The following CEP83 variants were observed in gnomAD, a reference collection of about 807,000 sequenced individuals.
CEP83 encodes the protein centrosomal protein of 83 kDa.
CEP83 carries 70 observed loss-of-function variants against 101.9 expected under a neutral mutation model. The ratio of observed to expected loss-of-function variants is 0.69; its 90% CI spans 0.57 to 0.84. The LOEUF is 0.84. Among genes scored for constraint, CEP83 ranks in the 40% least tolerant of loss-of-function variants. The pLI is 0.00. For missense variants in CEP83, 715 were observed against 787.2 expected (o/e 0.91, Z 1.10); for synonymous variants, 264 against 267.9 (o/e 0.99, Z 0.14).
At chr12:94,386,366 T>C (rs1419558494) in intron 6 of CEP83, among the ~76,000 whole-genome samples, 2 of 152,184 alleles carry the variant, frequency 1.3e-5, no homozygotes, top group African/African-American at 4.8e-5. Flanking sequence ...TCTCTGGCCT[T>C]GTATAGTTTC....
chr12:94,353,168 A>C (rs1241226174), intron 11 of CEP83, among the ~76,000 whole-genome samples: 1 of 152,224 alleles, frequency 6.6e-6, no homozygotes, highest in Non-Finnish European at 1.5e-5. Flanking sequence ...GAAACCTTAC[A>C]GGCAAGAAGA....
chr12:94,421,332 T>A (rs1390964509), intron 2 of CEP83, among the ~76,000 whole-genome samples: 1 of 152,124 alleles, frequency 6.6e-6, no homozygotes, highest in African/African-American at 2.4e-5. Flanking sequence ...ATGTTAGGAT[T>A]ACAGGAATGA....
At chr12:94,281,556 A>G in the CEP83 span, among the ~76,000 whole-genome samples, 1 of 151,784 alleles carries the variant, frequency 6.6e-6, no homozygotes, top group Non-Finnish European at 1.5e-5. Context: ...AAGAAATCAG[A>G]TATCCAGTTT....
chr12:94,328,234 T>G, intron 14 of CEP83: 1 of 302,482 alleles, frequency 3.3e-6, no homozygotes, highest in Non-Finnish European at 6.7e-6. Flanking sequence ...CTCTCTTCAA[T>G]GGGGGTGGGG....
At chr12:94,455,929 C>A (rs1259400844) in intron 1 of CEP83, among the ~76,000 whole-genome samples, 1 of 151,988 alleles carries the variant, frequency 6.6e-6, no homozygotes, top group Admixed American at 6.6e-5. Context: ...CACCTGTTAG[C>A]CCCAGCCACT....
In CEP83 at chr12:94,378,861, T is replaced by C. The variant is rs1340583178; in HGVS notation, c.731A>G (p.Gln244Arg). The change falls in exon 7 of 17, where the codon CAG becomes CGG. Residue 244 changes from glutamine to arginine, a missense_variant. Coordinates refer to ENST00000397809, the MANE Select transcript of CEP83 (RefSeq NM_016122.3). ...CTGTATTCTTTGGGCATTTTCCACC[T>C]GAGCCTCAGAATTCTCCTTTTCAGC... Reference protein sequence around the residue: ...LKAEKENSEAQVENAQRIQVR... With the variant: ...LKAEKENSEARVENAQRIQVR... The C allele has an allele frequency of 4.3e-6, 7 of 1,613,994 alleles. No individual in the cohort carries two copies. Among genetic ancestry groups the C allele is most frequent in the Admixed American group, 1.7e-5 (1 of 59,990 alleles).
chr12:94,409,698 C>T (rs1026095264), intron 4 of CEP83, among the ~76,000 whole-genome samples: 36 of 152,132 alleles, frequency 2.4e-4, no homozygotes, highest in Admixed American at 2.3e-3. Flanking sequence ...GGCTATTAGT[C>T]TGAAATCAAG....
intron 11 of CEP83, among the ~76,000 whole-genome samples, chr12:94,340,757 C>T (rs1022257297): frequency 6.6e-6 from 1 of 152,136 alleles, no homozygotes; most frequent in African/African-American, 2.4e-5. Context: ...ACTTTTTAAA[C>T]TTGAGTTTGC....
intron 4 of CEP83, among the ~76,000 whole-genome samples, chr12:94,406,908 C>T (rs1011976202): frequency 6.7e-6 from 1 of 148,852 alleles, no homozygotes; most frequent in African/African-American, 2.5e-5. Context: ...GCCTGGGCGA[C>T]ACAGAGAGAC....
At position 94,451,265 on chromosome 12, in the gene CEP83, G is replaced by A. The variant is rs139903346; in HGVS notation, c.-155+8292C>T. On this transcript the variant is annotated intron_variant, in intron 1 of 16. Transcript: ENST00000397809. ...GGACCTTGGATTAGGCAAAAAGTTC[G>A]TATACATAACATGAAAGTACGTGCC... Among the ~76,000 whole-genome samples the A allele has an allele frequency of 1.5e-4, 23 of 152,128 alleles. No individual in the cohort carries two copies. In the East Asian group the frequency reaches 2.7e-3, roughly 18 times the overall value.
the CEP83 span, chr12:94,279,810 G>A: frequency 2.9e-5 from 21 of 729,986 alleles, no homozygotes; most frequent in East Asian, 5.4e-4. Context: ...CCAAGAGACT[G>A]CTTTGGTCTC....
At chr12:94,398,322 A>G (rs2063027448) in intron 6 of CEP83, among the ~76,000 whole-genome samples, 1 of 152,230 alleles carries the variant, frequency 6.6e-6, no homozygotes, top group Non-Finnish European at 1.5e-5. Flanking sequence ...GGCTGCTGAC[A>G]TTCTCTGAGA....
At chr12:94,429,825 G>C (rs2065485039) in intron 2 of CEP83, among the ~76,000 whole-genome samples, 1 of 152,290 alleles carries the variant, frequency 6.6e-6, no homozygotes, top group African/African-American at 2.4e-5. Flanking sequence ...GCACCACCAG[G>C]ACTGAAACAC....
chr12:94,302,202 C>T (rs888510421), downstream of CEP83, among the ~76,000 whole-genome samples: 7 of 152,154 alleles, frequency 4.6e-5, no homozygotes, highest in African/African-American at 9.7e-5. Context: ...GGGCTTCAGC[C>T]CTCTTTGCTG....
intron 4 of CEP83, 31 bp downstream of exon 4, chr12:94,411,666 A>G (rs758376682): frequency 1.3e-6 from 2 of 1,552,296 alleles, no homozygotes; most frequent in Non-Finnish European, 1.8e-6. Context: ...CTGCTTTTAT[A>G]CTAACTCAAA....
chr12:94,413,819 A>C (rs868166475), intron 2 of CEP83, among the ~76,000 whole-genome samples: 11 of 134,628 alleles, frequency 8.2e-5, no homozygotes, highest in African/African-American at 2.5e-4. Context: ...CTAGTCCCAT[A>C]ATACATACAC....
chr12:94,452,313 C>T (rs2067315763), intron 1 of CEP83, among the ~76,000 whole-genome samples: 1 of 152,040 alleles, frequency 6.6e-6, no homozygotes. Context: ...TGTACACTTA[C>T]AATGAGTGGT....
chr12:94,317,965 A>AT (rs1970999948), intron 14 of CEP83, among the ~76,000 whole-genome samples: 1 of 152,156 alleles, frequency 6.6e-6, no homozygotes, highest in African/African-American at 2.4e-5. Flanking sequence ...GAAGAATGCC[A>AT]TTGGTAGTGT....
At chr12:94,407,017 G>T (rs929968675) in intron 4 of CEP83, among the ~76,000 whole-genome samples, 2 of 150,996 alleles carry the variant, frequency 1.3e-5, no homozygotes, top group African/African-American at 4.9e-5. Flanking sequence ...TTAATGGCAG[G>T]TTAGATACTG....
Sources: allele counts gnomAD v4.1 joint callset (sites outside exome capture counted in the v4.1 genomes callset), GRCh38; gene constraint gnomAD v4.1.1; transcripts MANE v1.5; gene names NCBI Gene and HGNC (gene_info 2026-07-23, HGNC 2026-07-21).